ERBB4: variants seen among roughly 807,000 people sequenced by gnomAD.
The protein encoded by ERBB4 is erb-b2 receptor tyrosine kinase 4.
Under a neutral mutation model 158.0 loss-of-function variants are expected in ERBB4, and 42 were observed. The observed-to-expected ratio is 0.27, with a 90% confidence interval of 0.21 to 0.34. The LOEUF (loss-of-function observed/expected upper bound fraction) is 0.34, where lower values mean the gene tolerates loss of function less well. ERBB4 is among the 10% of genes least tolerant of loss of function. The pLI, the probability that ERBB4 is intolerant of heterozygous loss-of-function variation, is 1.00. For missense variants in ERBB4, 1,333 were observed against 1,624.1 expected (o/e 0.82, Z 3.08); for synonymous variants, 583 against 558.7 (o/e 1.04, Z -0.61).
intron 1 of ERBB4, among the ~76,000 whole-genome samples, chr2:212,131,634 A>G (rs1422731180): frequency 6.6e-6 from 1 of 152,204 alleles, no homozygotes; most frequent in Admixed American, 6.5e-5. Context: ...ACCACTAAGG[A>G]TAGTAGCAGA....
intron 3 of ERBB4, among the ~76,000 whole-genome samples, chr2:211,817,642 A>C (rs574134296): frequency 6.6e-6 from 1 of 152,216 alleles, no homozygotes; most frequent in African/African-American, 2.4e-5. Flanking sequence ...TGTTCACCAA[A>C]CCAAGGCAGT....
At chr2:212,271,838 G>A (rs953149093) in intron 1 of ERBB4, among the ~76,000 whole-genome samples, 6 of 151,788 alleles carry the variant, frequency 4.0e-5, no homozygotes, top group African/African-American at 1.4e-4. Flanking sequence ...TTCTGCTTCA[G>A]AGGGAGCAGA....
At chr2:211,428,834 T>A (rs912334143) in intron 21 of ERBB4, among the ~76,000 whole-genome samples, 1 of 152,016 alleles carries the variant, frequency 6.6e-6, no homozygotes, top group African/African-American at 2.4e-5. Flanking sequence ...CCTCCCACCT[T>A]AGCCTCTGAG....
At chr2:212,409,580 T>C (rs1335488493) in intron 1 of ERBB4, among the ~76,000 whole-genome samples, 2 of 152,178 alleles carry the variant, frequency 1.3e-5, no homozygotes, top group African/African-American at 2.4e-5. Context: ...TTCTTTACAA[T>C]GTTTGTAAAA....
At chr2:212,275,295 G>T (rs559346797) in intron 1 of ERBB4, among the ~76,000 whole-genome samples, 3 of 151,928 alleles carry the variant, frequency 2.0e-5, no homozygotes, top group African/African-American at 7.2e-5. Flanking sequence ...CCCAGTAATG[G>T]GATGGCTGGG....
At chr2:211,922,637 C>T (rs1266059154) in intron 3 of ERBB4, among the ~76,000 whole-genome samples, 1 of 151,794 alleles carries the variant, frequency 6.6e-6, no homozygotes, top group African/African-American at 2.4e-5. Context: ...GTTAATTGTA[C>T]ATTGTGTTAA....
At chr2:212,309,894 A>G (rs1208198158) in intron 1 of ERBB4, among the ~76,000 whole-genome samples, 1 of 150,668 alleles carries the variant, frequency 6.6e-6, no homozygotes, top group African/African-American at 2.4e-5. Context: ...ATCATCCTAT[A>G]TAATAAAAAA....
intron 1 of ERBB4, among the ~76,000 whole-genome samples, chr2:212,439,479 G>T (rs1198628405): frequency 6.6e-6 from 1 of 151,804 alleles, no homozygotes; most frequent in South Asian, 2.1e-4. Context: ...ATGGATTCTA[G>T]GATATACCTT....
intron 1 of ERBB4, among the ~76,000 whole-genome samples, chr2:212,163,366 A>G (rs532200977): frequency 6.7e-6 from 1 of 149,620 alleles, no homozygotes; most frequent in Admixed American, 6.7e-5. Context: ...ATAAGGGTGA[A>G]GGAACTAAAC....
intron 1 of ERBB4, among the ~76,000 whole-genome samples, chr2:212,483,445 A>G (rs1162618270): frequency 6.6e-6 from 1 of 152,218 alleles, no homozygotes; most frequent in African/African-American, 2.4e-5. Context: ...TTTTGACATT[A>G]AGTTTTTAAA....
rs115906097 is a variant in ERBB4 at position 212,017,109 on chromosome 2, A to G, written c.235-69493T>C. Among the ~76,000 whole-genome samples the G allele has an allele frequency of 2.6e-3, 403 of 152,298 alleles. 1 individual carries two copies. Among genetic ancestry groups the G allele is most frequent in the African/African-American group, 9.3e-3 (386 of 41,560 alleles). ...ACAAGTATAACAACAGTCTTTCAAT[A>G]TGATAAAAACATATCAGGTGTGGAT... On this transcript the variant is annotated intron_variant, in intron 2 of 27. Transcript: ENST00000342788.
At chr2:211,991,343 ATTTGACCAATGAC>A (rs2082070437) in intron 2 of ERBB4, among the ~76,000 whole-genome samples, 6 of 152,270 alleles carry the variant, frequency 3.9e-5, no homozygotes, top group African/African-American at 1.4e-4. Flanking sequence ...TTTGTACTGT[ATTTGACCAATGAC>A]TAAAGCTTTT....
At chr2:211,852,386 C>A (rs963265952) in intron 3 of ERBB4, among the ~76,000 whole-genome samples, 1 of 151,852 alleles carries the variant, frequency 6.6e-6, no homozygotes, top group Non-Finnish European at 1.5e-5. Flanking sequence ...GAAAACACTA[C>A]CCTATATAAA....
chr2:212,471,202 T>C (rs1372754743), intron 1 of ERBB4, among the ~76,000 whole-genome samples: 1 of 152,046 alleles, frequency 6.6e-6, no homozygotes, highest in African/African-American at 2.4e-5. Context: ...TGAATCAAAA[T>C]TAATATCTTA....
intron 1 of ERBB4, among the ~76,000 whole-genome samples, chr2:212,445,193 T>G (rs1023395568): frequency 2.6e-5 from 4 of 152,048 alleles, no homozygotes; most frequent in Admixed American, 6.6e-5. Context: ...TGACAATATT[T>G]TGCAGGGCTG....
At chr2:211,918,120 G>A (rs529645398) in intron 3 of ERBB4, among the ~76,000 whole-genome samples, 1 of 152,256 alleles carries the variant, frequency 6.6e-6, no homozygotes, top group South Asian at 2.1e-4. Flanking sequence ...AAATAGATGG[G>A]AATACAAATG....
At chr2:212,454,140 T>C (rs1574950330) in intron 1 of ERBB4, among the ~76,000 whole-genome samples, 1 of 152,042 alleles carries the variant, frequency 6.6e-6, no homozygotes, top group East Asian at 1.9e-4. Context: ...GGGGTTTCAC[T>C]ATGTTGGCCA....
intron 1 of ERBB4, among the ~76,000 whole-genome samples, chr2:212,182,723 C>T (rs949237997): frequency 1.3e-5 from 2 of 151,882 alleles, no homozygotes; most frequent in African/African-American, 4.8e-5. Context: ...GTTTTCACAG[C>T]TTTGAAATCA....
At chr2:212,286,970 A>G (rs1391693940) in intron 1 of ERBB4, among the ~76,000 whole-genome samples, 1 of 151,310 alleles carries the variant, frequency 6.6e-6, no homozygotes, top group Non-Finnish European at 1.5e-5. Flanking sequence ...TGGAGTCTTG[A>G]TAACCACCAG....
Sources: gnomAD v4.1 joint callset for allele counts (sites outside exome capture counted in the v4.1 genomes callset) on GRCh38, gnomAD v4.1.1 for gene constraint, MANE v1.5 for transcripts, NCBI Gene and HGNC (gene_info 2026-07-23, HGNC 2026-07-21) for gene names.